Variants in DOCK3 observed in about 807,000 individuals in gnomAD.
DOCK3 encodes the protein dedicator of cytokinesis 3.
Under a neutral mutation model 265.6 loss-of-function variants are expected in DOCK3, and 60 were observed. That is an observed-to-expected ratio of 0.23 (90% CI 0.18 to 0.28). The LOEUF (loss-of-function observed/expected upper bound fraction) is 0.28. DOCK3 is among the 10% of genes least tolerant of loss of function. The probability of loss-of-function intolerance (pLI) is 1.00; values close to 1 mark genes in which losing one functional copy is unlikely to be tolerated. For synonymous variants in DOCK3, 881 were observed against 938.0 expected, an observed-to-expected ratio of 0.94 and a Z score of 1.11; for missense variants, 1,981 against 2,594.3, an observed-to-expected ratio of 0.76 and a Z score of 5.14.
rs1463679210 is a variant in DOCK3 at position 50,787,910 on chromosome 3, A to G, written c.121+9152A>G. 1.3e-5 allele frequency: 13 copies of G among 1,033,328 alleles called. No homozygotes were observed. In the East Asian group the frequency reaches 3.5e-4, roughly 28 times the overall value. 64.0% of individuals were successfully genotyped at this position (1,033,328 alleles called of 1,614,324 possible). A position where few individuals can be genotyped will look rare whatever the true frequency, so the allele number is the denominator to read the frequency against. On this transcript the variant is annotated intron_variant, in intron 2 of 52. Transcript: ENST00000266037. ...AGGTACATTTAATGTTTGATTATTA[A>G]GGTTTACCTCCACTATGATCTGCTC... is the stretch of plus-strand genomic sequence containing the variant.
At chr3:51,179,147 A>G (rs4346580) in intron 12 of DOCK3, among the ~76,000 whole-genome samples, 11,008 of 152,276 alleles carry the variant, frequency 0.072, 992 homozygotes, top group East Asian at 0.32. Context: ...TTTTTTGTCC[A>G]ACAAACAGAA....
chr3:50,729,914 G>T (rs57867785), intron 1 of DOCK3, among the ~76,000 whole-genome samples: 2,905 of 149,920 alleles, frequency 0.019, 118 homozygotes, highest in African/African-American at 0.069. Flanking sequence ...TGCCCCCTGG[G>T]TTTAAGTGAT....
chr3:51,087,710 T>C (rs2082478971), intron 7 of DOCK3, among the ~76,000 whole-genome samples: 1 of 152,180 alleles, frequency 6.6e-6, no homozygotes, highest in South Asian at 2.1e-4. Flanking sequence ...TTGTAGATGA[T>C]ATAATCTTAT....
In DOCK3 at chr3:51,361,481, G is replaced by GT. The variant is rs1459412921; in HGVS notation, c.5007-376dup. On this transcript the variant is annotated intron_variant, in intron 47 of 52. Transcript: ENST00000266037. This position sits in a 1 kb window ranked among gnomAD's most constrained non-coding sequence, Gnocchi z 4.2. ...GCAGATCCCATCATGGTGTGGGGGGGTTGGGGGGTGGGCACTGACCCAGAC... is the reference window on the plus strand; with the variant it reads ...GCAGATCCCATCATGGTGTGGGGGGGTTTGGGGGGTGGGCACTGACCCAGAC... Among the ~76,000 whole-genome samples, 1 of 151,298 alleles carries GT rather than the reference G, an allele frequency of 6.6e-6. No homozygotes were observed. The highest frequency in any genetic ancestry group is 1.5e-5 in the Non-Finnish European group (1 of 67,836).
chr3:51,095,493 C>A (rs981089004), intron 9 of DOCK3, among the ~76,000 whole-genome samples: 1 of 151,928 alleles, frequency 6.6e-6, no homozygotes, highest in Non-Finnish European at 1.5e-5. Flanking sequence ...CAACCACAGC[C>A]CTCCTTGGGG....
intron 9 of DOCK3, among the ~76,000 whole-genome samples, chr3:51,114,099 A>G (rs1013788117): frequency 1.2e-5 from 1 of 84,944 alleles, no homozygotes; most frequent in African/African-American, 5.4e-5. Context: ...ACAGAGCAAG[A>G]CCCTGTCTCA....
chr3:51,135,665 C>T (rs1469498243), intron 9 of DOCK3, among the ~76,000 whole-genome samples: 1 of 152,174 alleles, frequency 6.6e-6, no homozygotes, highest in African/African-American at 2.4e-5. Flanking sequence ...ATAATCCACA[C>T]TGTGTTGCAT....
intron 49 of DOCK3, among the ~76,000 whole-genome samples, chr3:51,366,710 A>G (rs1486559071): frequency 6.6e-6 from 1 of 152,158 alleles, no homozygotes; most frequent in Non-Finnish European, 1.5e-5. Context: ...ATTGGTTTCA[A>G]AGAATATCTT....
chr3:51,124,215 T>C (rs1010205303), intron 9 of DOCK3, among the ~76,000 whole-genome samples: 1 of 152,146 alleles, frequency 6.6e-6, no homozygotes, highest in African/African-American at 2.4e-5. Flanking sequence ...TGATATAGTT[T>C]TCTCTAATAT....
At chr3:51,063,871 C>G (rs1575939224) in intron 5 of DOCK3, among the ~76,000 whole-genome samples, 1 of 152,272 alleles carries the variant, frequency 6.6e-6, no homozygotes, top group African/African-American at 2.4e-5. Context: ...GACTGGAAAT[C>G]TGTTACACCA....
At position 51,320,277 on chromosome 3, in the gene DOCK3, G is replaced by A. The variant is rs1048877107; in HGVS notation, c.3402+5149G>A. Among the ~76,000 whole-genome samples the A allele has an allele frequency of 3.3e-5, 5 of 152,196 alleles. No individual in the cohort carries two copies. The East Asian group carries it at 7.7e-4, about 23-fold the overall frequency. On this transcript the variant is annotated intron_variant, in intron 32 of 52. Coordinates refer to ENST00000266037, the MANE Select transcript of DOCK3 (RefSeq NM_004947.5). ...TGAGGGACTGTGAACTGTGCAATCC[G>A]GCCCAGATACTGCACTTTCCCCATG...
chr3:51,309,824 A>G (rs1204962206), intron 27 of DOCK3, among the ~76,000 whole-genome samples: 1 of 152,192 alleles, frequency 6.6e-6, no homozygotes, highest in Non-Finnish European at 1.5e-5. Context: ...CTCTCCCATC[A>G]TCGTGTTCTT....
chr3:50,854,591 A>ATTTTTTTTTTTTTTT lies in DOCK3; in HGVS notation c.162+12876_162+12877insTTTTTTTTTTTTTTT, dbSNP rs1559726991. Among the ~76,000 whole-genome samples the ATTTTTTTTTTTTTTT allele has an allele frequency of 7.4e-3, 32 of 4,312 alleles. 1 individual carries two copies. The highest frequency in any genetic ancestry group is 0.018 in the East Asian group (2 of 110). The allele number at this position is 4,312 out of a possible 152,430, so 2.8% of individuals were successfully genotyped here. ...AGCTACAGATGAGCACCATCACACC[A>ATTTTTTTTTTTTTTT]GTTTTTTTTTTTTTTTTTTGGTGGT... On this transcript the variant is annotated intron_variant, in intron 3 of 52. Coordinates refer to ENST00000266037, the MANE Select transcript of DOCK3 (RefSeq NM_004947.5).
intron 5 of DOCK3, among the ~76,000 whole-genome samples, chr3:51,041,539 A>G (rs2080533031): frequency 1.3e-5 from 2 of 152,006 alleles, no homozygotes; most frequent in African/African-American, 2.4e-5. Context: ...CTTAAGTAAT[A>G]AGACTTGAAA....
In DOCK3 at chr3:50,841,720, T is replaced by C. The variant is rs1316299898; in HGVS notation, c.162+5T>C. On this transcript the variant is annotated splice_donor_5th_base_variant and intron_variant, in intron 3 of 52. Coordinates refer to ENST00000266037, the MANE Select transcript of DOCK3 (RefSeq NM_004947.5). ...ACAAAGAAGCCAAATGTGAAGGTAATGAAAAGTTTATTGTTACCTTTTCTA... is the reference window on the plus strand; with the variant it reads ...ACAAAGAAGCCAAATGTGAAGGTAACGAAAAGTTTATTGTTACCTTTTCTA... 1 of 1,048,360 alleles carries C rather than the reference T, an allele frequency of 9.5e-7. No homozygotes were observed. The highest frequency in any genetic ancestry group is 1.2e-6 in the Non-Finnish European group (1 of 807,190). The allele number at this position is 1,048,360 out of a possible 1,614,324, so 64.9% of individuals were successfully genotyped here. A position where few individuals can be genotyped will look rare whatever the true frequency, so the allele number is the denominator to read the frequency against.
chr3:51,225,837 T>C, intron 15 of DOCK3, 64 bp downstream of exon 15: 1 of 1,540,724 alleles, frequency 6.5e-7, no homozygotes, highest in Non-Finnish European at 8.7e-7. Context: ...CTGTGGACTT[T>C]ATCCAGAGGC....
At chr3:51,204,973 A>G (rs2089083962) in intron 12 of DOCK3, among the ~76,000 whole-genome samples, 1 of 151,630 alleles carries the variant, frequency 6.6e-6, no homozygotes, top group African/African-American at 2.4e-5. Flanking sequence ...CAATGGGAAC[A>G]CATGGACACA....
In DOCK3 at chr3:51,298,051, A is replaced by G. The variant is rs114129744; in HGVS notation, c.2923-12181A>G. Reference sequence around the variant, plus strand: ...TTGGTATTAATTCTTTAAACATTTCATAGATTTTATTAGTGAAACCATCTT... The same window carrying G: ...TTGGTATTAATTCTTTAAACATTTCGTAGATTTTATTAGTGAAACCATCTT... On this transcript the variant is annotated intron_variant, in intron 27 of 52. Coordinates refer to ENST00000266037, the MANE Select transcript of DOCK3 (RefSeq NM_004947.5). Among the ~76,000 whole-genome samples, 610 of 152,332 alleles carry G rather than the reference A, an allele frequency of 4.0e-3. 6 individuals are homozygous for G. Among genetic ancestry groups the G allele is most frequent in the African/African-American group, 0.014 (570 of 41,580 alleles).
intron 5 of DOCK3, among the ~76,000 whole-genome samples, chr3:50,992,050 C>A (rs1455062290): frequency 6.6e-6 from 1 of 152,112 alleles, no homozygotes; most frequent in Non-Finnish European, 1.5e-5. Context: ...ATACTGAGAA[C>A]AAATATACAA....
Sources: gnomAD v4.1 joint callset for allele counts (sites outside exome capture counted in the v4.1 genomes callset) on GRCh38, gnomAD v4.1.1 for gene constraint, Gnocchi (gnomAD v3.1) non-coding constraint, MANE v1.5 for transcripts, NCBI Gene and HGNC (gene_info 2026-07-23, HGNC 2026-07-21) for gene names.